Variants in EPHX1 observed in about 807,000 individuals in gnomAD.
The protein encoded by EPHX1 is epoxide hydrolase 1.
A neutral mutation model predicts 43.2 loss-of-function variants in EPHX1; 40 were observed. That is an observed-to-expected ratio of 0.93 (90% CI 0.72 to 1.21). EPHX1 has a LOEUF of 1.21. EPHX1 is among the 50% of genes most tolerant of loss of function. The pLI is 0.00. For missense variants in EPHX1, 550 were observed against 570.4 expected (o/e 0.96, Z 0.36); for synonymous variants, 221 against 226.7 (o/e 0.98, Z 0.22).
rs573829308 is a variant in EPHX1 at position 225,822,314 on chromosome 1, C to G, written c.-5-6411C>G. Among the ~76,000 whole-genome samples, 3 of 152,262 alleles carry G rather than the reference C, an allele frequency of 2.0e-5. No individual in the cohort carries two copies. The East Asian group carries it at 5.8e-4, about 29-fold the overall frequency. Reference sequence around the variant, plus strand: ...GTGAACCATTTTGTTGGGAAGAGTACCTTGGCTTCGAGAAAAAAATGATTT... The same window carrying G: ...GTGAACCATTTTGTTGGGAAGAGTAGCTTGGCTTCGAGAAAAAAATGATTT... On this transcript the variant is annotated intron_variant, in intron 1 of 8. Transcript: ENST00000272167.
intron 1 of EPHX1, among the ~76,000 whole-genome samples, chr1:225,827,300 C>T (rs1165603252): frequency 2.6e-5 from 4 of 152,076 alleles, no homozygotes; most frequent in Non-Finnish European, 2.9e-5. Context: ...TGTCAGAACT[C>T]GATGCTTTCT....
intron 1 of EPHX1, among the ~76,000 whole-genome samples, chr1:225,826,314 A>T: frequency 6.6e-6 from 1 of 152,006 alleles, no homozygotes; most frequent in East Asian, 1.9e-4. Context: ...AAATACAAAA[A>T]TTAGCAGGAG....
intron 1 of EPHX1, among the ~76,000 whole-genome samples, chr1:225,826,814 G>T (rs943165950): frequency 1.3e-5 from 2 of 152,132 alleles, no homozygotes; most frequent in African/African-American, 4.8e-5. Flanking sequence ...AGGGGGCGAG[G>T]CACACAGGGG....
rs756520415 is a variant in EPHX1, at chr1:225,838,631, C to A, written c.365-23C>A. On this transcript the variant is annotated intron_variant, in intron 3 of 8. Transcript: ENST00000272167. ...GCAGGGTCTTCTCTCTCCCTCCACC[C>A]TGACTGTGCTCTGTCCCCCCAGGGC... The A allele has an allele frequency of 3.1e-6, 5 of 1,605,916 alleles. No homozygotes were observed. The South Asian group carries it at 5.5e-5, about 18-fold the overall frequency.
chr1:225,838,197 A>G (rs1388282966), intron 3 of EPHX1, among the ~76,000 whole-genome samples: 2 of 152,238 alleles, frequency 1.3e-5, no homozygotes, highest in East Asian at 1.9e-4. Flanking sequence ...GTCAGTTTAG[A>G]TGACTGTACT....
chr1:225,840,672 G>A (rs896918365), intron 6 of EPHX1, among the ~76,000 whole-genome samples: 2 of 152,118 alleles, frequency 1.3e-5, no homozygotes, highest in Non-Finnish European at 2.9e-5. Context: ...AGAGTCATTC[G>A]CATTACCCTC....
intron 3 of EPHX1, among the ~76,000 whole-genome samples, chr1:225,837,437 AGAG>A (rs1228341404): frequency 6.6e-6 from 1 of 152,226 alleles, no homozygotes; most frequent in East Asian, 1.9e-4. Context: ...AAGTCAGTCC[AGAG>A]GAGACAAGAA....
intron 7 of EPHX1, among the ~76,000 whole-genome samples, chr1:225,843,017 C>T (rs1668558187): frequency 6.6e-6 from 1 of 152,214 alleles, no homozygotes; most frequent in African/African-American, 2.4e-5. Flanking sequence ...CCTTCAGTGA[C>T]ACACAGGACC....
rs2234697 is a variant in EPHX1 at position 225,828,874 on chromosome 1, C to T, written c.145C>T (p.Arg49Cys). ...RSAAREDDSI[R>C]PFKVETSDEE... ...CGCAGCCAGGGAGGACGACAGCATC[C>T]GCCCTTTCAAGGTGGAAACGTCAGA... Residue 49 changes from arginine to cysteine, a missense_variant, in exon 2 of 9, where the codon CGC becomes TGC. Transcript: ENST00000272167. 1,699 of 1,600,110 alleles carry T rather than the reference C, an allele frequency of 1.1e-3. 18 individuals carry two copies. In the African/African-American group the frequency reaches 0.02, roughly 19 times the overall value.
At chr1:225,841,346 G>A (rs1237950903) in intron 6 of EPHX1, among the ~76,000 whole-genome samples, 1 of 152,124 alleles carries the variant, frequency 6.6e-6, no homozygotes, top group Non-Finnish European at 1.5e-5. Context: ...GCAGTGGTGT[G>A]ATCTCAGCTC....
rs1668756576 is a variant in EPHX1 at position 225,844,533 on chromosome 1, T to C, written c.1076T>C (p.Met359Thr). The change falls in exon 8 of 9, where the codon ATG (methionine) becomes ACG (threonine). Residue 359 changes from methionine to threonine, a missense_variant. Coordinates refer to ENST00000272167, the MANE Select transcript of EPHX1 (RefSeq NM_001136018.4). ...FSLDDLLTNV[M>T]LYWTTGTIIS... ...CTGGACGACCTGCTGACCAACGTCA[T>C]GCTCTACTGGACAACAGGCACCATC... 4 of 1,614,146 alleles carry C rather than the reference T, an allele frequency of 2.5e-6. No homozygotes were observed. The highest frequency in any genetic ancestry group is 2.5e-6 in the Non-Finnish European group (3 of 1,180,002).
intron 1 of EPHX1, among the ~76,000 whole-genome samples, chr1:225,821,965 C>G (rs1052567585): frequency 2.0e-5 from 3 of 152,206 alleles, no homozygotes; most frequent in Non-Finnish European, 2.9e-5. Context: ...AAGTACTCTA[C>G]TTGTATCATT....
At chr1:225,827,240 TTTCCAAGACAGAGCGAGGGGC>T (rs1667292252) in intron 1 of EPHX1, among the ~76,000 whole-genome samples, 1 of 151,852 alleles carries the variant, frequency 6.6e-6, no homozygotes, top group African/African-American at 2.4e-5. Flanking sequence ...CTGCCTTGGG[TTTCCAAGACAGAGCGAGGGGC>T]GCTGCTGGGG....
chr1:225,814,090 A>G (rs1666610480), intron 1 of EPHX1, among the ~76,000 whole-genome samples: 1 of 152,214 alleles, frequency 6.6e-6, no homozygotes, highest in African/African-American at 2.4e-5. Flanking sequence ...TCTGAGCTTC[A>G]TTTTTAATTC....
intron 1 of EPHX1, among the ~76,000 whole-genome samples, chr1:225,815,289 A>G (rs532873895): frequency 7.3e-6 from 1 of 136,528 alleles, no homozygotes; most frequent in East Asian, 2.0e-4. Context: ...TCTGTTGTCC[A>G]GGCTGGAGTG....
At chr1:225,832,080 A>G in intron 3 of EPHX1, 121 bp downstream of exon 3, 1 of 1,035,242 alleles carries the variant, frequency 9.7e-7, no homozygotes, top group Non-Finnish European at 1.5e-6. Flanking sequence ...GGTGACTGAG[A>G]TGTACTTATA....
chr1:225,810,773 G>T (rs1402248696), intron 1 of EPHX1, among the ~76,000 whole-genome samples: 3 of 143,164 alleles, frequency 2.1e-5, no homozygotes, highest in Admixed American at 6.9e-5. Flanking sequence ...AGTGGGGGGG[G>T]TCACAAGGTG....
chr1:225,841,287 A>G (rs537237096), intron 6 of EPHX1: 1 of 152,140 alleles, frequency 6.6e-6, no homozygotes, highest in East Asian at 1.9e-4. Context: ...AGCTTTATTT[A>G]TTTATTTTTT....
chr1:225,833,719 C>T (rs967655557), intron 3 of EPHX1, among the ~76,000 whole-genome samples: 1 of 149,610 alleles, frequency 6.7e-6, no homozygotes, highest in Non-Finnish European at 1.5e-5. Context: ...GGCGTGAACC[C>T]AGGAGATGGA....
Sources: gnomAD v4.1 joint callset for allele counts (sites outside exome capture counted in the v4.1 genomes callset) on GRCh38, gnomAD v4.1.1 for gene constraint, MANE v1.5 for transcripts, NCBI Gene and HGNC (gene_info 2026-07-23, HGNC 2026-07-21) for gene names.